RCAN2: variants seen among roughly 807,000 people sequenced by gnomAD.
The protein encoded by RCAN2 is regulator of calcineurin 2, also known as calcipressin-2.
In RCAN2, 9 loss-of-function variants were observed where a neutral mutation model predicts 23.6. That is an observed-to-expected ratio of 0.38 (90% CI 0.23 to 0.67). The LOEUF (loss-of-function observed/expected upper bound fraction) is 0.67. RCAN2 is among the 30% of genes least tolerant of loss of function. RCAN2 has a pLI of 0.51. For synonymous variants in RCAN2, 109 were observed against 115.7 expected, an observed-to-expected ratio of 0.94 and a Z score of 0.37; for missense variants, 273 against 302.3, an observed-to-expected ratio of 0.90 and a Z score of 0.72.
chr6:46,324,577 G>A (rs971018074), intron 2 of RCAN2, among the ~76,000 whole-genome samples: 1 of 152,202 alleles, frequency 6.6e-6, no homozygotes, highest in African/African-American at 2.4e-5. Flanking sequence ...GTTTAAATAA[G>A]AAGCTTCAGC....
chr6:46,266,601 T>C (rs1419106092), intron 2 of RCAN2, among the ~76,000 whole-genome samples: 1 of 152,190 alleles, frequency 6.6e-6, no homozygotes, highest in Non-Finnish European at 1.5e-5. Flanking sequence ...TGCCTAATCC[T>C]GGTACATTTA....
intron 2 of RCAN2, among the ~76,000 whole-genome samples, chr6:46,413,593 A>T (rs1316952304): frequency 6.6e-6 from 1 of 152,208 alleles, no homozygotes; most frequent in East Asian, 1.9e-4. Flanking sequence ...AGCCTGTACG[A>T]GTATATGATC....
intron 2 of RCAN2, among the ~76,000 whole-genome samples, chr6:46,443,292 T>G (rs888916861): frequency 1.2e-4 from 18 of 152,240 alleles, no homozygotes; most frequent in Middle Eastern, 3.4e-3. Context: ...CTATTTTATT[T>G]TTACAACATA....
chr6:46,368,643 A>G (rs1582147100), intron 2 of RCAN2, among the ~76,000 whole-genome samples: 1 of 152,118 alleles, frequency 6.6e-6, no homozygotes, highest in East Asian at 1.9e-4. Context: ...AATAATACAC[A>G]TTTTTGTATG....
intron 2 of RCAN2, among the ~76,000 whole-genome samples, chr6:46,367,662 T>C (rs1217871444): frequency 6.6e-6 from 1 of 152,252 alleles, no homozygotes; most frequent in Non-Finnish European, 1.5e-5. Flanking sequence ...CATCATCTTT[T>C]AAACTAAGCA....
At chr6:46,424,236 A>G (rs958143087) in intron 2 of RCAN2, among the ~76,000 whole-genome samples, 8 of 152,174 alleles carry the variant, frequency 5.3e-5, no homozygotes, top group Non-Finnish European at 1.2e-4. Context: ...TTTCAAAACA[A>G]TCCCACAAGG....
chr6:46,315,238 T>C (rs1194936079), intron 2 of RCAN2, among the ~76,000 whole-genome samples: 1 of 152,254 alleles, frequency 6.6e-6, no homozygotes, highest in Non-Finnish European at 1.5e-5. Context: ...TGTTACCATA[T>C]GCATCTCTAG....
At chr6:46,450,123 G>A (rs1337681595) in intron 2 of RCAN2, among the ~76,000 whole-genome samples, 1 of 151,896 alleles carries the variant, frequency 6.6e-6, no homozygotes, top group Non-Finnish European at 1.5e-5. Flanking sequence ...CAAATAACCT[G>A]ATTTAAAAAT....
chr6:46,226,918 G>C (rs578111499), intron 4 of RCAN2, among the ~76,000 whole-genome samples: 2 of 152,202 alleles, frequency 1.3e-5, no homozygotes, highest in African/African-American at 4.8e-5. Context: ...TATTAGCTGT[G>C]GGTTTGTCAT....
intron 2 of RCAN2, among the ~76,000 whole-genome samples, chr6:46,367,993 T>C (rs774676327): frequency 3.9e-5 from 6 of 152,218 alleles, no homozygotes; most frequent in Non-Finnish European, 7.3e-5. Flanking sequence ...CTATATCATT[T>C]AGGAGCTGTT....
At chr6:46,377,129 T>TATACCC (rs1765496401) in intron 2 of RCAN2, among the ~76,000 whole-genome samples, 1 of 152,128 alleles carries the variant, frequency 6.6e-6, no homozygotes, top group Non-Finnish European at 1.5e-5. Flanking sequence ...TACCCATGGT[T>TATACCC]ATGCCGGGGT....
At chr6:46,268,475 G>C (rs1185554960) in intron 2 of RCAN2, among the ~76,000 whole-genome samples, 1 of 152,098 alleles carries the variant, frequency 6.6e-6, no homozygotes, top group African/African-American at 2.4e-5. Flanking sequence ...TAAATCTGGG[G>C]TTATTTCAGC....
At chr6:46,289,582 T>G (rs1762476714) in intron 2 of RCAN2, among the ~76,000 whole-genome samples, 1 of 152,226 alleles carries the variant, frequency 6.6e-6, no homozygotes, top group African/African-American at 2.4e-5. Flanking sequence ...ACAGACAGTA[T>G]GTAAGATGAC....
At chr6:46,423,579 T>G (rs181034466) in intron 2 of RCAN2, among the ~76,000 whole-genome samples, 1 of 152,362 alleles carries the variant, frequency 6.6e-6, no homozygotes, top group Admixed American at 6.5e-5. Context: ...GGTTTCACCT[T>G]CGATAGACAT....
chr6:46,295,720 G>A (rs1762704804), intron 2 of RCAN2, among the ~76,000 whole-genome samples: 1 of 152,116 alleles, frequency 6.6e-6, no homozygotes, highest in African/African-American at 2.4e-5. Flanking sequence ...CATCAAAAGA[G>A]CATCAGTTGT....
chr6:46,481,369 T>A (rs1323793609), intron 1 of RCAN2, among the ~76,000 whole-genome samples: 1 of 152,200 alleles, frequency 6.6e-6, no homozygotes, highest in Non-Finnish European at 1.5e-5. Flanking sequence ...CAAAGAGTGA[T>A]AGCTCTTTTG....
chr6:46,415,381 T>C (rs930218881), intron 2 of RCAN2, among the ~76,000 whole-genome samples: 1 of 151,978 alleles, frequency 6.6e-6, no homozygotes, highest in African/African-American at 2.4e-5. Flanking sequence ...ACACCATAAA[T>C]GAGATAAGGA....
chr6:46,449,430 G>A (rs1767810761), intron 2 of RCAN2, among the ~76,000 whole-genome samples: 1 of 150,890 alleles, frequency 6.6e-6, no homozygotes, highest in Non-Finnish European at 1.5e-5. Flanking sequence ...ACTACAGAAA[G>A]TAATCTATAG....
chr6:46,414,620 T>A (rs914723875), intron 2 of RCAN2, among the ~76,000 whole-genome samples: 1 of 152,152 alleles, frequency 6.6e-6, no homozygotes, highest in African/African-American at 2.4e-5. Flanking sequence ...TCTAATCAGT[T>A]GAAGGCCTTA....
Sources: gnomAD v4.1 joint callset for allele counts (sites outside exome capture counted in the v4.1 genomes callset) on GRCh38, gnomAD v4.1.1 for gene constraint, MANE v1.5 for transcripts, NCBI Gene and HGNC (gene_info 2026-07-23, HGNC 2026-07-21) for gene names.